DERA: variants seen among roughly 807,000 people sequenced by gnomAD.
DERA encodes the protein 2-deoxy-D-ribose 5-phosphate aldolase.
Under a neutral mutation model 41.1 loss-of-function variants are expected in DERA, and 15 were observed. That is an observed-to-expected ratio of 0.37 (90% CI 0.24 to 0.56). The LOEUF (loss-of-function observed/expected upper bound fraction) is 0.56, where lower values mean the gene tolerates loss of function less well. Among genes scored for constraint, DERA ranks in the 20% least tolerant of loss-of-function variants. DERA has a pLI of 0.81. For missense variants in DERA, 396 were observed against 403.4 expected (o/e 0.98, Z 0.16); for synonymous variants, 139 against 137.4 (o/e 1.01, Z -0.08).
At position 15,982,273 on chromosome 12, in the gene DERA, T is replaced by G; in HGVS notation, c.509-35T>G. 1 of 1,596,644 alleles carries G rather than the reference T, an allele frequency of 6.3e-7. No individual in the cohort carries two copies. Among genetic ancestry groups the G allele is most frequent in the Non-Finnish European group, 8.5e-7 (1 of 1,173,664 alleles). On this transcript the variant is annotated intron_variant, in intron 5 of 8. Coordinates refer to ENST00000428559, the MANE Select transcript of DERA (RefSeq NM_015954.4). The surrounding 1 kb of genome is among the most constrained non-coding windows in gnomAD (Gnocchi z 4.0). Reference sequence around the variant, plus strand: ...CTGCCAAGTTATGTTATCACTTGCCTGCTTTGTAACTGCCTCAATTATTTT... The same window carrying G: ...CTGCCAAGTTATGTTATCACTTGCCGGCTTTGTAACTGCCTCAATTATTTT...
At chr12:16,015,166 G>A (rs370020690) in intron 6 of DERA, among the ~76,000 whole-genome samples, 4 of 152,226 alleles carry the variant, frequency 2.6e-5, no homozygotes, top group East Asian at 1.9e-4. Context: ...TTAAAACTTC[G>A]GGGGACTGTC....
chr12:15,971,252 A>C (rs1948657638), intron 5 of DERA, among the ~76,000 whole-genome samples: 1 of 152,214 alleles, frequency 6.6e-6, no homozygotes, highest in African/African-American at 2.4e-5. Context: ...AATATACATA[A>C]AATACAAGAT....
chr12:16,014,199 G>A lies in DERA; in HGVS notation c.638-18343G>A, dbSNP rs1375267877. ...TTCTGAGGAGAAATTCAAGCCAGAT[G>A]CAGAAATTTGCATAAGTAACGAGGA... On this transcript the variant is annotated intron_variant, in intron 6 of 8. Coordinates refer to ENST00000428559, the MANE Select transcript of DERA (RefSeq NM_015954.4). This position sits in a 1 kb window ranked among gnomAD's most constrained non-coding sequence, Gnocchi z 5.4. Among the ~76,000 whole-genome samples the A allele has an allele frequency of 6.6e-6, 1 of 152,202 alleles. No individual in the cohort carries two copies. The highest frequency in any genetic ancestry group is 1.9e-4 in the East Asian group (1 of 5,194).
rs1371909224 is a variant in DERA at position 16,014,568 on chromosome 12, T to G, written c.638-17974T>G. ...CAGAGGATGTATGGAATCGCCTGGA[T>G]GTCCTGGCAGAAGTTTACTGCAGAG... On this transcript the variant is annotated intron_variant, in intron 6 of 8. Transcript: ENST00000428559. This position sits in a 1 kb window ranked among gnomAD's most constrained non-coding sequence, Gnocchi z 5.4. Among the ~76,000 whole-genome samples, 1 of 152,206 alleles carries G rather than the reference T, an allele frequency of 6.6e-6. No homozygotes were observed. Among genetic ancestry groups the G allele is most frequent in the African/African-American group, 2.4e-5 (1 of 41,458 alleles).
At position 15,918,471 on chromosome 12, in the gene DERA, A is replaced by G. The variant is rs1948217269; in HGVS notation, c.31+7057A>G. 6.6e-6 allele frequency among the ~76,000 whole-genome samples: 1 copy of G among 152,018 alleles called. No individual in the cohort carries two copies. Among genetic ancestry groups the G allele is most frequent in the South Asian group, 2.1e-4 (1 of 4,822 alleles). ...CCATTTCAACCCGGCTTGAATGACTACGTTGTTCACCTCCTCTTCAGTGCC... is the reference window on the plus strand; with the variant it reads ...CCATTTCAACCCGGCTTGAATGACTGCGTTGTTCACCTCCTCTTCAGTGCC... On this transcript the variant is annotated intron_variant, in intron 1 of 8. Transcript: ENST00000428559. This position sits in a 1 kb window ranked among gnomAD's most constrained non-coding sequence, Gnocchi z 4.3.
At chr12:15,963,043 T>G in intron 5 of DERA, 96 bp downstream of exon 5, 2 of 1,448,280 alleles carry the variant, frequency 1.4e-6, no homozygotes, top group South Asian at 2.9e-5. Flanking sequence ...GTCACTGTTC[T>G]AGGTGACAAG....
intron 1 of DERA, among the ~76,000 whole-genome samples, chr12:15,948,198 G>T (rs553048305): frequency 6.6e-6 from 1 of 152,142 alleles, no homozygotes; most frequent in South Asian, 2.1e-4. Flanking sequence ...TGCTCTTCTC[G>T]AGGAGTATCT....
intron 5 of DERA, among the ~76,000 whole-genome samples, chr12:15,973,450 T>G (rs928523883): frequency 1.3e-5 from 2 of 152,248 alleles, no homozygotes; most frequent in Non-Finnish European, 2.9e-5. Flanking sequence ...AAGAATTGCT[T>G]TTTTTATAAT....
chr12:15,991,736 A>C (rs766169042), intron 6 of DERA, among the ~76,000 whole-genome samples: 1 of 152,144 alleles, frequency 6.6e-6, no homozygotes, highest in Non-Finnish European at 1.5e-5. Context: ...TTTAATCTTC[A>C]CAGCAACCCT....
chr12:15,911,567 C>A lies in DERA; in HGVS notation c.31+153C>A. 1.2e-6 allele frequency: 1 copy of A among 823,486 alleles called. No individual in the cohort carries two copies. Among genetic ancestry groups the A allele is most frequent in the Non-Finnish European group, 2.0e-6 (1 of 510,868 alleles). The allele number at this position is 823,486 out of a possible 1,614,324, so 51.0% of individuals were successfully genotyped here. On this transcript the variant is annotated intron_variant, in intron 1 of 8. Coordinates refer to ENST00000428559, the MANE Select transcript of DERA (RefSeq NM_015954.4). This position sits in a 1 kb window ranked among gnomAD's most constrained non-coding sequence, Gnocchi z 4.5. ...CAGTGGCGTCTGGTCAGCCCTCACC[C>A]CAAGTAAAGGCCGAACCCGGCACGT...
rs890242643 is a variant in DERA, at chr12:15,984,353, C to T, written c.637+1917C>T. ...GTGTCCCACCCTCCACCCATCCTGT[C>T]CACAGAAAAAAATGTGATTATAAAC... On this transcript the variant is annotated intron_variant, in intron 6 of 8. Transcript: ENST00000428559. This position sits in a 1 kb window ranked among gnomAD's most constrained non-coding sequence, Gnocchi z 4.5. Among the ~76,000 whole-genome samples, 1 of 152,132 alleles carries T rather than the reference C, an allele frequency of 6.6e-6. No individual in the cohort carries two copies. Among genetic ancestry groups the T allele is most frequent in the Non-Finnish European group, 1.5e-5 (1 of 68,028 alleles).
At chr12:16,034,867 G>T (rs1208601836) in intron 7 of DERA, among the ~76,000 whole-genome samples, 1 of 152,070 alleles carries the variant, frequency 6.6e-6, no homozygotes, top group Non-Finnish European at 1.5e-5. Context: ...TGACAAAAAT[G>T]GTCCTATGAT....
At position 15,992,392 on chromosome 12, in the gene DERA, A is replaced by T. The variant is rs1489721751; in HGVS notation, c.637+9956A>T. On this transcript the variant is annotated intron_variant, in intron 6 of 8. Coordinates refer to ENST00000428559, the MANE Select transcript of DERA (RefSeq NM_015954.4). The surrounding 1 kb of genome is among the most constrained non-coding windows in gnomAD (Gnocchi z 4.3). Reference sequence around the variant, plus strand: ...ATTTATATTTTAACAAGGATATTGTATTTCTAAAGCAATGTAAGGTATGAC... The same window carrying T: ...ATTTATATTTTAACAAGGATATTGTTTTTCTAAAGCAATGTAAGGTATGAC... Among the ~76,000 whole-genome samples the T allele has an allele frequency of 6.6e-6, 1 of 152,180 alleles. No individual in the cohort carries two copies. Among genetic ancestry groups the T allele is most frequent in the African/African-American group, 2.4e-5 (1 of 41,470 alleles).
In DERA at chr12:15,967,623, A is replaced by T. The variant is rs1399156617; in HGVS notation, c.508+4676A>T. Among the ~76,000 whole-genome samples, 2 of 152,184 alleles carry T rather than the reference A, an allele frequency of 1.3e-5. No homozygotes were observed. Among genetic ancestry groups the T allele is most frequent in the African/African-American group, 4.8e-5 (2 of 41,440 alleles). The stretch of plus-strand genomic sequence containing the variant: ...TGATTGGCCTCATAGCTCACAGTCC[A>T]GACTCTTGTGCTTTTTGATTTATGT... On this transcript the variant is annotated intron_variant, in intron 5 of 8. Coordinates refer to ENST00000428559, the MANE Select transcript of DERA (RefSeq NM_015954.4). This position sits in a 1 kb window ranked among gnomAD's most constrained non-coding sequence, Gnocchi z 4.9.
chr12:15,922,022 T>C lies in DERA; in HGVS notation c.31+10608T>C, dbSNP rs574944367. ...AAGCAGAGTTTTCCTTTTTTAACTT[T>C]TGACTTCTTAGGAGGCAATCATTAT... On this transcript the variant is annotated intron_variant, in intron 1 of 8. Coordinates refer to ENST00000428559, the MANE Select transcript of DERA (RefSeq NM_015954.4). This position sits in a 1 kb window ranked among gnomAD's most constrained non-coding sequence, Gnocchi z 4.9. Among the ~76,000 whole-genome samples, 6 of 152,332 alleles carry C rather than the reference T, an allele frequency of 3.9e-5. No individual in the cohort carries two copies. In the South Asian group the frequency reaches 1.2e-3, roughly 32 times the overall value.
At chr12:15,987,847 C>T (rs1052012897) in intron 6 of DERA, among the ~76,000 whole-genome samples, 2 of 152,076 alleles carry the variant, frequency 1.3e-5, no homozygotes, top group Non-Finnish European at 1.5e-5. Context: ...GCACTTGGCT[C>T]ACACTGCTGG....
At chr12:15,912,110 G>A (rs1413714869) in intron 1 of DERA, among the ~76,000 whole-genome samples, 1 of 151,834 alleles carries the variant, frequency 6.6e-6, no homozygotes, top group Non-Finnish European at 1.5e-5. Context: ...GGGAAGGTCA[G>A]CTGATAAACA....
chr12:15,958,048 G>T, intron 2 of DERA, 140 bp from the exon 3 acceptor site: 1 of 566,080 alleles, frequency 1.8e-6, no homozygotes. Flanking sequence ...TCATGTATCA[G>T]GATATTCCAT....
chr12:15,959,777 T>C lies in DERA; in HGVS notation c.278-52T>C. ...ATATAAATAATAATTAAAAGCATGT[T>C]GTATGAGTTGAACTTCATTGAAAGT... On this transcript the variant is annotated intron_variant, in intron 3 of 8. Transcript: ENST00000428559. This position sits in a 1 kb window ranked among gnomAD's most constrained non-coding sequence, Gnocchi z 4.5. The C allele has an allele frequency of 2.4e-6, 3 of 1,252,816 alleles. No individual in the cohort carries two copies. The highest frequency in any genetic ancestry group is 3.4e-6 in the Non-Finnish European group (3 of 886,888). 77.6% of individuals were successfully genotyped at this position (1,252,816 alleles called of 1,614,324 possible). A position where few individuals can be genotyped will look rare whatever the true frequency, so the allele number is the denominator to read the frequency against.
Sources: allele counts gnomAD v4.1 joint callset (sites outside exome capture counted in the v4.1 genomes callset), GRCh38; gene constraint gnomAD v4.1.1; non-coding constraint Gnocchi (gnomAD v3.1); transcripts MANE v1.5; gene names NCBI Gene and HGNC (gene_info 2026-07-23, HGNC 2026-07-21).